Variants in CACNA1D observed in about 807,000 individuals in gnomAD.
CACNA1D encodes the protein calcium voltage-gated channel subunit alpha1 D, also known as voltage-dependent L-type calcium channel subunit alpha-1D.
CACNA1D carries 55 observed loss-of-function variants against 257.1 expected under a neutral mutation model. The ratio of observed to expected loss-of-function variants is 0.21; its 90% CI spans 0.17 to 0.27. The LOEUF is 0.27. Ranked by LOEUF, CACNA1D falls within the 10% of genes least tolerant of loss-of-function variation. The probability of loss-of-function intolerance (pLI) is 1.00; values close to 1 mark genes in which losing one functional copy is unlikely to be tolerated. For synonymous variants in CACNA1D, 980 were observed against 1,014.9 expected, an observed-to-expected ratio of 0.97 and a Z score of 0.65; for missense variants, 1,876 against 2,784.0, an observed-to-expected ratio of 0.67 and a Z score of 7.34.
At position 53,811,376 on chromosome 3, in the gene CACNA1D, G is replaced by A. The variant is rs776719401; in HGVS notation, c.6456G>A (p.Ala2152=). The A allele has an allele frequency of 2.0e-5, 31 of 1,580,544 alleles. No individual in the cohort carries two copies. The highest frequency in any genetic ancestry group is 1.1e-4 in the East Asian group (5 of 44,416). ...PDPGRDEEDL[A]DEMICITTL is the part of the protein sequence containing the mutation. ...CTGGGAGGGATGAGGAGGACCTGGCGGATGAAATGATATGCATCACCACCT... is the reference window on the plus strand; with the variant it reads ...CTGGGAGGGATGAGGAGGACCTGGCAGATGAAATGATATGCATCACCACCT... The change falls in exon 48 of 48, where the codon GCG becomes GCA. Residue 2152 remains alanine (A), a synonymous_variant. Coordinates refer to ENST00000350061, the MANE Select transcript of CACNA1D (RefSeq NM_001128840.3). The surrounding 1 kb of genome is among the most constrained non-coding windows in gnomAD (Gnocchi z 4.2).
At chr3:53,650,950 T>G in intron 4 of CACNA1D, 32 bp downstream of exon 4, 1 of 1,598,966 alleles carries the variant, frequency 6.3e-7, no homozygotes, top group Non-Finnish European at 8.6e-7. Context: ...GAAATGTTGA[T>G]TTGGAAAATG....
At chr3:53,587,253 G>T (rs2093233922) in intron 3 of CACNA1D, among the ~76,000 whole-genome samples, 1 of 152,184 alleles carries the variant, frequency 6.6e-6, no homozygotes, top group African/African-American at 2.4e-5. Context: ...TGTTCGTGCT[G>T]TAGACTCTGG....
rs1250895006 is a variant in CACNA1D, at chr3:53,800,882, G to T, written c.5041-176G>T. On this transcript the variant is annotated intron_variant, in intron 41 of 47. Coordinates refer to ENST00000350061, the MANE Select transcript of CACNA1D (RefSeq NM_001128840.3). This position sits in a 1 kb window ranked among gnomAD's most constrained non-coding sequence, Gnocchi z 4.3. ...TCGGTAACCTTCCTCATCTCGGGGG[G>T]ACCAACTGCCACACAGTCACATTCA... 4.5e-6 allele frequency: 3 copies of T among 667,798 alleles called. No homozygotes were observed. The highest frequency in any genetic ancestry group is 5.3e-6 in the Non-Finnish European group (2 of 377,266). The allele number at this position is 667,798 out of a possible 1,614,324, so 41.4% of individuals were successfully genotyped here.
rs367564975 is a variant in CACNA1D at position 53,747,481 on chromosome 3, G to T, written c.3314+33G>T. 38 of 1,611,962 alleles carry T rather than the reference G, an allele frequency of 2.4e-5. No homozygotes were observed. The African/African-American group carries it at 4.9e-4, about 21-fold the overall frequency. On this transcript the variant is annotated intron_variant, in intron 26 of 47. Coordinates refer to ENST00000350061, the MANE Select transcript of CACNA1D (RefSeq NM_001128840.3). ...CAGGGAGCACACAGTCTTCTGGAGA[G>T]GCACCTGCGTGCCCAGGGCTGAGCC... is the stretch of plus-strand genomic sequence containing the variant.
chr3:53,571,124 G>A (rs2092935379), intron 3 of CACNA1D, among the ~76,000 whole-genome samples: 1 of 152,220 alleles, frequency 6.6e-6, no homozygotes, highest in Non-Finnish European at 1.5e-5. Context: ...GGGTTCTTAA[G>A]TGGGGAGGGC....
intron 4 of CACNA1D, among the ~76,000 whole-genome samples, chr3:53,658,630 G>A (rs896514827): frequency 6.6e-6 from 1 of 152,140 alleles, no homozygotes; most frequent in African/African-American, 2.4e-5. Context: ...AGAGTTTGAG[G>A]TTTTCTTTCT....
intron 39 of CACNA1D, chr3:53,785,852 A>G (rs927919909): frequency 2.6e-5 from 4 of 152,376 alleles, no homozygotes; most frequent in Admixed American, 2.0e-4. Flanking sequence ...GCTGCTCTGT[A>G]GCCTTTGGAC....
chr3:53,569,613 A>C (rs2092909098), intron 3 of CACNA1D, among the ~76,000 whole-genome samples: 1 of 152,174 alleles, frequency 6.6e-6, no homozygotes, highest in Admixed American at 6.5e-5. Context: ...AGCCTTTCAG[A>C]GATGGTCTTT....
In CACNA1D at chr3:53,781,890, C is replaced by A. The variant is rs2095427178; in HGVS notation, c.4792+223C>A. ...GAGGCTTCAGTGAAAAACCAAAACTCACATGGCTGGAGCAGGGATTTTCTT... is the reference window on the plus strand; with the variant it reads ...GAGGCTTCAGTGAAAAACCAAAACTAACATGGCTGGAGCAGGGATTTTCTT... On this transcript the variant is annotated intron_variant, in intron 39 of 47. Coordinates refer to ENST00000350061, the MANE Select transcript of CACNA1D (RefSeq NM_001128840.3). 6 of 558,632 alleles carry A rather than the reference C, an allele frequency of 1.1e-5. No individual in the cohort carries two copies. In the South Asian group the frequency reaches 1.1e-4, roughly 10 times the overall value. 34.6% of individuals were successfully genotyped at this position (558,632 alleles called of 1,614,324 possible).
intron 3 of CACNA1D, among the ~76,000 whole-genome samples, chr3:53,627,538 T>C (rs1025942003): frequency 1.4e-5 from 2 of 147,806 alleles, no homozygotes; most frequent in African/African-American, 2.5e-5. Flanking sequence ...CTAGCTGTTA[T>C]CCTCTTCCAC....
intron 3 of CACNA1D, among the ~76,000 whole-genome samples, chr3:53,586,754 G>A (rs746785060): frequency 6.6e-6 from 1 of 152,158 alleles, no homozygotes. Context: ...ACTTAGAGAC[G>A]ATAAGGTACT....
chr3:53,730,474 G>A lies in CACNA1D; in HGVS notation c.2254G>A (p.Val752Ile), dbSNP rs962492548. Reference protein sequence around the residue: ...ILLNVFLAIAVDNLADAESLN... With the variant: ...ILLNVFLAIAIDNLADAESLN... The stretch of plus-strand genomic sequence containing the variant: ...ACTGAATGTCTTCTTGGCCATCGCT[G>A]TAGACAATTTGGCTGATGCTGAAAG... Residue 752 changes from valine to isoleucine, a missense_variant, in exon 16 of 48, where the codon GTA (valine) becomes ATA (isoleucine). Physicochemically the swap from Val to Ile is conservative, Grantham distance 29. Transcript: ENST00000350061. The A allele has an allele frequency of 5.0e-6, 8 of 1,613,784 alleles. No homozygotes were observed. In the Admixed American group the frequency reaches 1.2e-4, roughly 24 times the overall value.
chr3:53,535,482 G>C (rs1436087397), intron 3 of CACNA1D, among the ~76,000 whole-genome samples: 1 of 152,176 alleles, frequency 6.6e-6, no homozygotes, highest in Non-Finnish European at 1.5e-5. Context: ...CCTGACCTGG[G>C]GGGTGAATAT....
chr3:53,530,775 G>T (rs2091921243), intron 3 of CACNA1D, among the ~76,000 whole-genome samples: 1 of 152,048 alleles, frequency 6.6e-6, no homozygotes, highest in Non-Finnish European at 1.5e-5. Context: ...AAAAGGTCTT[G>T]GGGACCATTT....
intron 5 of CACNA1D, among the ~76,000 whole-genome samples, chr3:53,664,571 A>G (rs1458196308): frequency 6.6e-6 from 1 of 152,176 alleles, no homozygotes; most frequent in Non-Finnish European, 1.5e-5. Context: ...ACCACCCTCA[A>G]GCCCATACTG....
chr3:53,568,869 T>A (rs962143232), intron 3 of CACNA1D, among the ~76,000 whole-genome samples: 1 of 152,194 alleles, frequency 6.6e-6, no homozygotes, highest in Non-Finnish European at 1.5e-5. Context: ...AAACTCATCG[T>A]CATCAGGCTT....
chr3:53,534,168 T>A (rs569744001), intron 3 of CACNA1D, among the ~76,000 whole-genome samples: 2 of 152,306 alleles, frequency 1.3e-5, no homozygotes, highest in South Asian at 4.1e-4. Flanking sequence ...TCTGGGGCCC[T>A]CAGCCCTTTG....
chr3:53,494,941 C>T lies in CACNA1D; in HGVS notation c.-226C>T. On this transcript the variant is annotated 5_prime_UTR_variant, in exon 1 of 48. Transcript: ENST00000350061. ...TTTTTTTAAAAAGTTTATTTTGCTC[C>T]ATTTTTGAAAAAGAGAGAGCTTGGG... is the stretch of plus-strand genomic sequence containing the variant. 1 of 565,912 alleles carries T rather than the reference C, an allele frequency of 1.8e-6. No homozygotes were observed. The highest frequency in any genetic ancestry group is 1.9e-5 in the African/African-American group (1 of 53,060). The allele number at this position is 565,912 out of a possible 1,614,324, so 35.1% of individuals were successfully genotyped here.
intron 3 of CACNA1D, among the ~76,000 whole-genome samples, chr3:53,545,491 CG>C (rs2092392376): frequency 6.6e-6 from 1 of 152,124 alleles, no homozygotes; most frequent in Non-Finnish European, 1.5e-5. Flanking sequence ...CTTAGAGGAG[CG>C]GGGTGAGGAT....
Sources: gnomAD v4.1 joint callset for allele counts (sites outside exome capture counted in the v4.1 genomes callset) on GRCh38, gnomAD v4.1.1 for gene constraint, Gnocchi (gnomAD v3.1) non-coding constraint, MANE v1.5 for transcripts, NCBI Gene and HGNC (gene_info 2026-07-23, HGNC 2026-07-21) for gene names.